Variants in DEAF1 observed in about 807,000 individuals in gnomAD.
DEAF1 encodes the protein DEAF1 transcription factor, also known as deformed epidermal autoregulatory factor 1 homolog.
Under a neutral mutation model 58.9 loss-of-function variants are expected in DEAF1, and 53 were observed. That is an observed-to-expected ratio of 0.90 (90% CI 0.72 to 1.13). The LOEUF (loss-of-function observed/expected upper bound fraction) is 1.13. Among genes scored for constraint, DEAF1 ranks in the 50% most tolerant of loss-of-function variants. The probability of loss-of-function intolerance (pLI) is 0.00; values close to 1 mark genes in which losing one functional copy is unlikely to be tolerated. For synonymous variants in DEAF1, 385 were observed against 340.4 expected (o/e 1.13, Z -1.44); for missense variants, 685 against 791.4 (o/e 0.87, Z 1.61).
rs559377127 is a variant in DEAF1, at chr11:646,767, A to G, written c.1594-2113T>C. Among the ~76,000 whole-genome samples the G allele has an allele frequency of 2.6e-5, 4 of 152,332 alleles. No individual in the cohort carries two copies. In the East Asian group the frequency reaches 5.8e-4, roughly 22 times the overall value. ...CTAAAACACTTTTGAAAAAAAAATCATTATCTGAAAAGCCAGAATTAGAAG... is the reference window on the plus strand; with the variant it reads ...CTAAAACACTTTTGAAAAAAAAATCGTTATCTGAAAAGCCAGAATTAGAAG... On this transcript the variant is annotated intron_variant, in intron 11 of 11. Coordinates refer to ENST00000382409, the MANE Select transcript of DEAF1 (RefSeq NM_021008.4).
intron 9 of DEAF1, among the ~76,000 whole-genome samples, chr11:677,215 T>C (rs1590001982): frequency 6.6e-6 from 1 of 151,876 alleles, no homozygotes; most frequent in African/African-American, 2.4e-5. Flanking sequence ...CCTAAAGTGC[T>C]GGGATTAAAC....
At chr11:680,485 C>T (rs1860304713) in intron 7 of DEAF1, among the ~76,000 whole-genome samples, 1 of 152,246 alleles carries the variant, frequency 6.6e-6, no homozygotes, top group Admixed American at 6.5e-5. Flanking sequence ...TGGCACGTGC[C>T]TGTGGTCCCA....
chr11:699,762 A>T (rs1194649773), upstream of DEAF1: 1 of 184,148 alleles, frequency 5.4e-6, no homozygotes, highest in Admixed American at 5.6e-5. Context: ...AAAAAAAAAA[A>T]GAAAATGACA....
chr11:649,172 A>C (rs904022341), intron 11 of DEAF1, among the ~76,000 whole-genome samples: 1 of 151,914 alleles, frequency 6.6e-6, no homozygotes, highest in African/African-American at 2.4e-5. Flanking sequence ...AATCGCTTGA[A>C]CCCGGGAGGC....
rs1423354344 is a variant in DEAF1 at position 674,751 on chromosome 11, G to A, written c.1288C>T (p.Pro430Ser). The A allele has an allele frequency of 5.6e-6, 9 of 1,613,170 alleles. No homozygotes were observed. The highest frequency in any genetic ancestry group is 4.5e-5 in the East Asian group (2 of 44,906). Residue 430 changes from proline (P) to serine (S), a missense_variant, in exon 10 of 12, where the codon CCC becomes TCC. Around this residue, in one of 3 missense-constraint regions of DEAF1, gnomAD observed 343 missense variants for 379.8 expected, o/e 0.90. Transcript: ENST00000382409. ...LTSLPALAVP[P>S]PTPTKAAPPA... ...GGTGCCGCTTTGGTGGGAGTCGGGG[G>A]TGGGACCGCCAGCGCAGGCAGGGAT...
At chr11:675,863 C>T (rs916089318) in intron 9 of DEAF1, among the ~76,000 whole-genome samples, 1 of 151,710 alleles carries the variant, frequency 6.6e-6, no homozygotes, top group Non-Finnish European at 1.5e-5. Context: ...GTTGGGAAGT[C>T]GGGTAAAAAA....
intron 1 of DEAF1, among the ~76,000 whole-genome samples, chr11:701,503 C>T (rs11246271): frequency 0.86 from 127,548 of 148,668 alleles, 54,900 homozygotes; most frequent in Non-Finnish European, 0.9. Flanking sequence ...CTCCGCCTCC[C>T]GGGTTCACGC....
intron 1 of DEAF1, chr11:692,128 A>G (rs2133423680): frequency 4.4e-6 from 1 of 226,096 alleles, no homozygotes; most frequent in Non-Finnish European, 9.0e-6. Flanking sequence ...CTTCCTCCTA[A>G]AAAGTACATC....
intron 8 of DEAF1, 40 bp from the exon 9 acceptor site, chr11:678,862 G>A (rs1162113012): frequency 1.9e-6 from 3 of 1,611,482 alleles, no homozygotes; most frequent in Non-Finnish European, 2.5e-6. Context: ...CGGGATGGTT[G>A]TCCGCACAGC....
intron 10 of DEAF1, among the ~76,000 whole-genome samples, chr11:655,489 A>AG (rs1858998707): frequency 6.6e-6 from 1 of 152,232 alleles, no homozygotes; most frequent in Non-Finnish European, 1.5e-5. Flanking sequence ...TGGGCCTAGG[A>AG]GAGGCCTTGG....
At chr11:670,253 T>A (rs569256677) in intron 10 of DEAF1, among the ~76,000 whole-genome samples, 1 of 152,112 alleles carries the variant, frequency 6.6e-6, no homozygotes, top group Non-Finnish European at 1.5e-5. Context: ...ACATACAGTT[T>A]ACCTCAATTA....
chr11:682,933 G>A (rs1860440032), intron 6 of DEAF1, among the ~76,000 whole-genome samples: 2 of 152,076 alleles, frequency 1.3e-5, no homozygotes, highest in South Asian at 2.1e-4. Flanking sequence ...AGTGGGAACC[G>A]TTTTCTTGGT....
rs1402679379 is a variant in DEAF1 at position 680,978 on chromosome 11, T to C, written c.982A>G (p.Thr328Ala). 6.2e-7 allele frequency: 1 copy of C among 1,614,104 alleles called. No homozygotes were observed. Among genetic ancestry groups the C allele is most frequent in the Non-Finnish European group, 8.5e-7 (1 of 1,180,006 alleles). Residue 328 changes from threonine (T) to alanine (A), a missense_variant, in exon 7 of 12, where the codon ACC becomes GCC. Thr to Ala is a moderately conservative substitution (Grantham distance 58). Around this residue, in one of 3 missense-constraint regions of DEAF1, gnomAD observed 343 missense variants for 379.8 expected, o/e 0.90. Transcript: ENST00000382409. Reference sequence around the variant, plus strand: ...TCAAACTCACAGGTGGTAGCCGCGGTGGCTGGAAGCAATGTGATGTTCTTG... The same window carrying C: ...TCAAACTCACAGGTGGTAGCCGCGGCGGCTGGAAGCAATGTGATGTTCTTG... Reference protein sequence around the residue: ...SPKNITLLPATAATTFTVTPS... With the variant: ...SPKNITLLPAAAATTFTVTPS...
chr11:649,527 C>G (rs921923167), intron 11 of DEAF1, among the ~76,000 whole-genome samples: 28 of 152,052 alleles, frequency 1.8e-4, no homozygotes, highest in Non-Finnish European at 2.6e-4. Flanking sequence ...CAAGACCAGC[C>G]TGACCAACAT....
At chr11:700,909 G>A (rs977878336) in intron 1 of DEAF1, 2 of 615,334 alleles carry the variant, frequency 3.3e-6, no homozygotes, top group South Asian at 1.9e-5. Context: ...AATAACACTG[G>A]GGGCATCGTT....
intron 10 of DEAF1, among the ~76,000 whole-genome samples, chr11:670,771 G>GTTTTTTTTTTTTTTTTTTTTTTTTT (rs199899292): frequency 2.2e-5 from 1 of 45,290 alleles, no homozygotes; most frequent in African/African-American, 7.5e-5. Context: ...TTTTCTTTTT[G>GTTTTTTTTTTTTTTTTTTTTTTTTT]TTTTTGTTTT....
At chr11:685,280 T>G (rs977195650) in intron 5 of DEAF1, among the ~76,000 whole-genome samples, 8 of 152,130 alleles carry the variant, frequency 5.3e-5, no homozygotes, top group South Asian at 4.1e-4. Flanking sequence ...AGACAGGTTT[T>G]GCCATGTTGA....
rs563925897 is a variant in DEAF1, at chr11:664,378, C to T, written c.1503+10158G>A. Among the ~76,000 whole-genome samples the T allele has an allele frequency of 8.5e-5, 13 of 152,192 alleles. No homozygotes were observed. The South Asian group carries it at 1.9e-3, about 22-fold the overall frequency. ...GGCACTGAGAGGAGGAAGACAGAAA[C>T]GGTATCACATTCGGAGCCTCTAAGT... On this transcript the variant is annotated intron_variant, in intron 10 of 11. Coordinates refer to ENST00000382409, the MANE Select transcript of DEAF1 (RefSeq NM_021008.4).
In DEAF1 at chr11:644,919, T is replaced by G. The variant is rs1687089098; in HGVS notation, c.1594-265A>C. 6.6e-6 allele frequency among the ~76,000 whole-genome samples: 1 copy of G among 152,014 alleles called. No individual in the cohort carries two copies. Among genetic ancestry groups the G allele is most frequent in the African/African-American group, 2.4e-5 (1 of 41,382 alleles). On this transcript the variant is annotated intron_variant, in intron 11 of 11. Transcript: ENST00000382409. This position sits in a 1 kb window ranked among gnomAD's most constrained non-coding sequence, Gnocchi z 4.3. ...GGCTCACGCCTGTAATCCCAACACT[T>G]TGGGAGGCCCAGGAGGGTGGATCCC...
Sources: gnomAD v4.1 joint callset for allele counts (sites outside exome capture counted in the v4.1 genomes callset) on GRCh38, gnomAD v4.1.1 for gene constraint, gnomAD v4.1.1 regional missense constraint, Gnocchi (gnomAD v3.1) non-coding constraint, MANE v1.5 for transcripts, NCBI Gene and HGNC (gene_info 2026-07-23, HGNC 2026-07-21) for gene names.